The following ITPR1 variants were observed in gnomAD, a reference collection of about 807,000 sequenced individuals.
ITPR1 encodes inositol 1,4,5-trisphosphate-gated calcium channel ITPR1.
Under a neutral mutation model 318.4 loss-of-function variants are expected in ITPR1, and 96 were observed. The observed-to-expected ratio is 0.30, with a 90% CI of 0.26 to 0.36. The LOEUF (loss-of-function observed/expected upper bound fraction) is 0.36. ITPR1 is among the 10% of genes least tolerant of loss of function. The pLI, the probability that ITPR1 is intolerant of heterozygous loss-of-function variation, is 1.00. For missense variants in ITPR1, 2,440 were observed against 3,460.2 expected (o/e 0.71, Z 7.40); for synonymous variants, 1,312 against 1,289.9 (o/e 1.02, Z -0.37).
intron 3 of ITPR1, among the ~76,000 whole-genome samples, chr3:4,520,197 T>C (rs1196293605): frequency 6.6e-6 from 1 of 152,188 alleles, no homozygotes; most frequent in African/African-American, 2.4e-5. Context: ...TTTTAGGAGC[T>C]TGGACAAGTT....
intron 4 of ITPR1, among the ~76,000 whole-genome samples, chr3:4,582,852 G>A (rs1168932262): frequency 6.6e-6 from 1 of 152,116 alleles, no homozygotes; most frequent in Non-Finnish European, 1.5e-5. Flanking sequence ...AGCTCTGTGC[G>A]TGCTTCAGGG....
intron 42 of ITPR1, among the ~76,000 whole-genome samples, chr3:4,727,518 A>G (rs1206811275): frequency 6.6e-6 from 1 of 152,232 alleles, no homozygotes; most frequent in Non-Finnish European, 1.5e-5. Context: ...TTTTAAAAAA[A>G]TGGAAAAACG....
intron 21 of ITPR1, 145 bp from the exon 22 acceptor site, chr3:4,674,057 A>G: frequency 1.7e-6 from 1 of 598,794 alleles, no homozygotes; most frequent in South Asian, 2.3e-5. Flanking sequence ...ATAGTTGGTG[A>G]TATATGCTAA....
chr3:4,802,309 T>G (rs972598393), intron 54 of ITPR1, among the ~76,000 whole-genome samples: 1 of 152,176 alleles, frequency 6.6e-6, no homozygotes, highest in Non-Finnish European at 1.5e-5. Flanking sequence ...CTGTTCCCAG[T>G]AGTGGAAAGT....
At chr3:4,684,212 C>A in intron 28 of ITPR1, 69 bp from the exon 29 acceptor site, 1 of 997,766 alleles carries the variant, frequency 1.0e-6, no homozygotes, top group Non-Finnish European at 1.6e-6. Flanking sequence ...AAGGTCGATG[C>A]TAACTGTAAA....
At chr3:4,811,556 C>G (rs879933503) in intron 56 of ITPR1, 96 bp downstream of exon 56, 34 of 951,222 alleles carry the variant, frequency 3.6e-5, no homozygotes, top group Non-Finnish European at 5.5e-5. Context: ...ATGCAGATAT[C>G]TCCCCATTGT....
chr3:4,727,173 G>T lies in ITPR1; in HGVS notation c.5220G>T (p.Arg1740Ser). 1.3e-6 allele frequency: 2 copies of T among 1,592,696 alleles called. No homozygotes were observed. The highest frequency in any genetic ancestry group is 1.7e-6 in the Non-Finnish European group (2 of 1,175,824). Reference sequence around the variant, plus strand: ...TGCGGCAGCTGGAAGACCATAAAAGGGTACGTAGTCTTGAGTCTTGGGTAT... The same window carrying T: ...TGCGGCAGCTGGAAGACCATAAAAGTGTACGTAGTCTTGAGTCTTGGGTAT... ...PPLRQLEDHK[R>S]GEALRQVLVN... The change falls in exon 42 of 62, where the codon AGG (arginine) becomes AGT (serine). Residue 1740 changes from arginine (R) to serine (S), a missense_variant and splice_region_variant. Physicochemically the swap from Arg to Ser is moderately radical, Grantham distance 110. This residue lies in a region of ITPR1 where 166 missense variants were observed against 143.7 expected (regional missense o/e 1.16). Transcript: ENST00000649015.
intron 32 of ITPR1, among the ~76,000 whole-genome samples, chr3:4,691,727 T>A (rs552877808): frequency 1.8e-4 from 27 of 152,278 alleles, no homozygotes; most frequent in Middle Eastern, 3.4e-3. Flanking sequence ...ATGGAAAAAA[T>A]TTTGCCTGAT....
At chr3:4,605,790 C>T (rs1361667746) in intron 4 of ITPR1, among the ~76,000 whole-genome samples, 1 of 152,126 alleles carries the variant, frequency 6.6e-6, no homozygotes, top group Non-Finnish European at 1.5e-5. Flanking sequence ...TCGCTGAGGC[C>T]TAGAGTGTGA....
intron 4 of ITPR1, among the ~76,000 whole-genome samples, chr3:4,532,947 G>C (rs6766061): frequency 0.18 from 26,884 of 152,170 alleles, 2,568 homozygotes; most frequent in African/African-American, 0.25. Context: ...ACCATCTGTC[G>C]GGGATTTTGC....
rs899112997 is a variant in ITPR1 at position 4,685,014 on chromosome 3, C to A, written c.3565-55C>A. On this transcript the variant is annotated intron_variant, in intron 29 of 61. Transcript: ENST00000649015. Reference sequence around the variant, plus strand: ...CCTGCCCGCCACCACCCTCTGCAATCTTTTTCCAGCTATAGTTCCTAGTTT... The same window carrying A: ...CCTGCCCGCCACCACCCTCTGCAATATTTTTCCAGCTATAGTTCCTAGTTT... The A allele has an allele frequency of 8.3e-6, 13 of 1,574,208 alleles. No individual in the cohort carries two copies. In the African/African-American group the frequency reaches 1.6e-4, roughly 20 times the overall value.
intron 42 of ITPR1, among the ~76,000 whole-genome samples, chr3:4,728,480 A>G (rs1172013525): frequency 6.6e-6 from 1 of 152,150 alleles, no homozygotes; most frequent in Non-Finnish European, 1.5e-5. Flanking sequence ...TAGTAGGTGT[A>G]TGTATTTATA....
At chr3:4,819,051 A>T (rs1179880308) in intron 60 of ITPR1, among the ~76,000 whole-genome samples, 1 of 152,122 alleles carries the variant, frequency 6.6e-6, no homozygotes, top group African/African-American at 2.4e-5. Flanking sequence ...GTTACCAAGG[A>T]CTTGAGTGCT....
At chr3:4,540,762 G>A (rs1167494631) in intron 4 of ITPR1, among the ~76,000 whole-genome samples, 1 of 152,058 alleles carries the variant, frequency 6.6e-6, no homozygotes, top group African/African-American at 2.4e-5. Context: ...TTTTAGTAGA[G>A]ACAGGGTTTC....
chr3:4,626,818 T>C (rs1469242075), intron 4 of ITPR1, among the ~76,000 whole-genome samples: 3 of 152,106 alleles, frequency 2.0e-5, no homozygotes, highest in Non-Finnish European at 4.4e-5. Flanking sequence ...ATAAGCATCT[T>C]ATTTATGTAT....
At chr3:4,644,334 C>T (rs1289710800) in intron 8 of ITPR1, 100 bp downstream of exon 8, 3 of 775,404 alleles carry the variant, frequency 3.9e-6, no homozygotes, top group South Asian at 1.7e-5. Context: ...TCAGCAGTGA[C>T]TTGGGGCAGG....
At chr3:4,552,613 A>G (rs1408059115) in intron 4 of ITPR1, among the ~76,000 whole-genome samples, 2 of 152,162 alleles carry the variant, frequency 1.3e-5, no homozygotes, top group African/African-American at 4.8e-5. Flanking sequence ...GTCTGCCTCC[A>G]CATGTTCAGT....
In ITPR1 at chr3:4,655,851, G is replaced by A. The variant is rs144865071; in HGVS notation, c.996+1965G>A. Among the ~76,000 whole-genome samples, 180 of 152,280 alleles carry A rather than the reference G, an allele frequency of 1.2e-3. 1 individual carries two copies. The highest frequency in any genetic ancestry group is 2.1e-3 in the Non-Finnish European group (143 of 68,022). On this transcript the variant is annotated intron_variant, in intron 12 of 61. Transcript: ENST00000649015. ...GGTGCATGGAGAGGGGATCTTACCC[G>A]ACGCCCACACGGCCAACAGCACAGA...
chr3:4,833,442 T>G (rs143220287), intron 60 of ITPR1, among the ~76,000 whole-genome samples: 373 of 152,338 alleles, frequency 2.4e-3, no homozygotes, highest in African/African-American at 8.5e-3. Flanking sequence ...AATGAACATA[T>G]GAAGGATTTG....
Sources: allele counts gnomAD v4.1 joint callset (sites outside exome capture counted in the v4.1 genomes callset), GRCh38; gene constraint gnomAD v4.1.1; regional missense constraint gnomAD v4.1.1; transcripts MANE v1.5; gene names NCBI Gene and HGNC (gene_info 2026-07-23, HGNC 2026-07-21).